ATL2: variants seen among roughly 807,000 people sequenced by gnomAD.
ATL2 encodes the protein atlastin GTPase 2.
Under a neutral mutation model 73.9 loss-of-function variants are expected in ATL2, and 31 were observed. That is an observed-to-expected ratio of 0.42 (90% confidence interval 0.32 to 0.57). The LOEUF is 0.57. Ranked by LOEUF, ATL2 falls within the 20% of genes least tolerant of loss-of-function variation. The pLI, the probability that ATL2 is intolerant of heterozygous loss-of-function variation, is 0.14. For synonymous variants in ATL2, 291 were observed against 237.5 expected (o/e 1.23, Z -2.07); for missense variants, 738 against 702.6 (o/e 1.05, Z -0.57).
chr2:38,337,310 C>T (rs1669416611), intron 2 of ATL2, among the ~76,000 whole-genome samples: 1 of 150,900 alleles, frequency 6.6e-6, no homozygotes, highest in African/African-American at 2.4e-5. Context: ...CATGGTGAAA[C>T]CCCTATCTCT....
intron 1 of ATL2, among the ~76,000 whole-genome samples, chr2:38,348,392 G>A (rs1670147242): frequency 6.6e-6 from 1 of 151,798 alleles, no homozygotes; most frequent in African/African-American, 2.4e-5. Context: ...CTTGAACCCA[G>A]GAAACGGAGG....
intron 1 of ATL2, among the ~76,000 whole-genome samples, chr2:38,371,304 T>C (rs1573603273): frequency 6.6e-6 from 1 of 151,896 alleles, no homozygotes; most frequent in East Asian, 1.9e-4. Context: ...TCCAGAAGTT[T>C]GAGACTAACC....
At chr2:38,341,405 G>C (rs974421900) in intron 2 of ATL2, among the ~76,000 whole-genome samples, 3 of 152,142 alleles carry the variant, frequency 2.0e-5, no homozygotes, top group African/African-American at 7.2e-5. Flanking sequence ...GGGACGCTGA[G>C]GTGGGAGAAT....
intron 1 of ATL2, chr2:38,358,691 GA>G (rs113043668): frequency 0.12 from 17,067 of 145,394 alleles, 2,626 homozygotes; most frequent in African/African-American, 0.36. Context: ...GACTCCGTCT[GA>G]AAAAAAAAAA....
intron 2 of ATL2, among the ~76,000 whole-genome samples, chr2:38,329,705 T>C (rs181342583): frequency 7.2e-5 from 11 of 152,170 alleles, no homozygotes; most frequent in African/African-American, 2.4e-4. Flanking sequence ...TGACAAAATA[T>C]TAGCAAATCA....
rs72803191 is a variant in ATL2, at chr2:38,325,803, T to C, written c.364-6784A>G. On this transcript the variant is annotated intron_variant, in intron 2 of 12. Transcript: ENST00000378954. ...AGCCTGCCCTCCTGAGAAAACTACTTTACCAGAGCTTTATCTGACCCTAGG... is the reference window on the plus strand; with the variant it reads ...AGCCTGCCCTCCTGAGAAAACTACTCTACCAGAGCTTTATCTGACCCTAGG... Among the ~76,000 whole-genome samples the C allele has an allele frequency of 1.0e-2, 1,450 of 145,040 alleles. 15 individuals carry two copies. The highest frequency in any genetic ancestry group is 0.023 in the Middle Eastern group (6 of 262).
At chr2:38,371,071 ACAAATT>A (rs879540037) in intron 1 of ATL2, among the ~76,000 whole-genome samples, 20 of 152,338 alleles carry the variant, frequency 1.3e-4, no homozygotes, top group African/African-American at 4.8e-4. Context: ...TTGGCATCCC[ACAAATT>A]CATTCACTGA....
intron 2 of ATL2, among the ~76,000 whole-genome samples, chr2:38,327,915 G>C (rs1558415294): frequency 1.3e-5 from 2 of 152,158 alleles, no homozygotes; most frequent in Admixed American, 1.3e-4. Flanking sequence ...CAGCCTGGGT[G>C]AGAGAGTAAG....
At chr2:38,355,614 T>C (rs756854902) in intron 1 of ATL2, among the ~76,000 whole-genome samples, 57 of 151,446 alleles carry the variant, frequency 3.8e-4, no homozygotes, top group Non-Finnish European at 6.9e-4. Flanking sequence ...GACATAACAA[T>C]GCCAAGTAAG....
Position 38,343,434 on chromosome 2 carries a change from G to T in ATL2, c.197C>A (p.Ala66Asp). 6.2e-7 allele frequency: 1 copy of T among 1,612,966 alleles called. No individual in the cohort carries two copies. The stretch of plus-strand genomic sequence containing the variant: ...TTCAAAGTTATGGTCATCTTCATGA[G>T]CAAGAACAATCTGTACTGGACATGG... ...KKPCPVQIVL[A>D]HEDDHNFELD... Residue 66 changes from alanine to aspartate, a missense_variant, in exon 2 of 13, where the codon GCT becomes GAT. Physicochemically the swap from Ala to Asp is moderately radical, Grantham distance 126. Transcript: ENST00000378954.
intron 1 of ATL2, among the ~76,000 whole-genome samples, chr2:38,363,370 TGG>T (rs35089431): frequency 0.052 from 6,299 of 120,520 alleles, 456 homozygotes; most frequent in African/African-American, 0.17. Flanking sequence ...ATTAAAAAGG[TGG>T]GGGGGGGGGT....
At chr2:38,303,627 C>T (rs1003917851) in intron 9 of ATL2, among the ~76,000 whole-genome samples, 2 of 151,992 alleles carry the variant, frequency 1.3e-5, no homozygotes, top group Admixed American at 6.6e-5. Flanking sequence ...TAGAAAATAG[C>T]CCCAAAAGGG....
In ATL2 at chr2:38,294,998, T is replaced by A. The variant is rs200194110; in HGVS notation, c.*996A>T. ...AAACATTCCCATTGAATTCCCTTGG[T>A]GGGCGGGGGGGGGGTGAGATTGCAG... On this transcript the variant is annotated 3_prime_UTR_variant, in exon 13 of 13. Transcript: ENST00000378954. The A allele has an allele frequency of 6.8e-5, 1 of 14,716 alleles. No homozygotes were observed. Among genetic ancestry groups the A allele is most frequent in the African/African-American group, 2.1e-4 (1 of 4,832 alleles). 0.9% of individuals were successfully genotyped at this position (14,716 alleles called of 1,614,324 possible). A position where few individuals can be genotyped will look rare whatever the true frequency, so the allele number is the denominator to read the frequency against.
intron 1 of ATL2, among the ~76,000 whole-genome samples, chr2:38,355,210 T>C (rs1209568946): frequency 2.0e-5 from 3 of 151,894 alleles, no homozygotes; most frequent in South Asian, 2.1e-4. Context: ...CACTACAACC[T>C]CCGCCTCCTG....
At chr2:38,354,071 A>C (rs1670515812) in intron 1 of ATL2, 1 of 341,688 alleles carries the variant, frequency 2.9e-6, no homozygotes, top group Non-Finnish European at 5.7e-6. Flanking sequence ...ACGCACCTGT[A>C]ATCCCAGCTA....
At chr2:38,309,578 ATT>A in intron 8 of ATL2, 72 bp from the exon 9 acceptor site, 3 of 1,449,674 alleles carry the variant, frequency 2.1e-6, no homozygotes, top group Non-Finnish European at 1.9e-6. Context: ...ATTTCATAAA[ATT>A]CTGTTTTATG....
chr2:38,330,268 T>A (rs1573499595), intron 2 of ATL2, among the ~76,000 whole-genome samples: 1 of 143,698 alleles, frequency 7.0e-6, no homozygotes, highest in African/African-American at 2.6e-5. Context: ...AAACTTCAAT[T>A]AAAAAAAAAT....
chr2:38,357,878 T>TGCA (rs1261000833), intron 1 of ATL2, among the ~76,000 whole-genome samples: 1 of 152,154 alleles, frequency 6.6e-6, no homozygotes, highest in African/African-American at 2.4e-5. Context: ...TTATAGATTA[T>TGCA]GCAGCCCAAT....
At chr2:38,299,142 T>A (rs895015553) in intron 11 of ATL2, 114 bp downstream of exon 11, 4 of 941,900 alleles carry the variant, frequency 4.2e-6, no homozygotes. Context: ...TAGGGAATAA[T>A]GTACCATAAG....
Sources: allele counts gnomAD v4.1 joint callset (sites outside exome capture counted in the v4.1 genomes callset), GRCh38; gene constraint gnomAD v4.1.1; transcripts MANE v1.5; gene names NCBI Gene and HGNC (gene_info 2026-07-23, HGNC 2026-07-21).